The following ADARB1 variants were observed in gnomAD, a reference collection of about 807,000 sequenced individuals.
ADARB1 encodes adenosine deaminase RNA specific B1, also known as double-stranded RNA-specific editase 1.
In ADARB1, 10 loss-of-function variants were observed where a neutral mutation model predicts 52.4. That is an observed-to-expected ratio of 0.19 (90% confidence interval 0.12 to 0.32). The LOEUF is 0.32. Among genes scored for constraint, ADARB1 ranks in the 10% least tolerant of loss-of-function variants. The probability of loss-of-function intolerance (pLI) is 1.00; values close to 1 mark genes in which losing one functional copy is unlikely to be tolerated. For missense variants in ADARB1, 643 were observed against 922.3 expected (o/e 0.70, Z 3.92); for synonymous variants, 349 against 371.1 (o/e 0.94, Z 0.68).
intron 1 of ADARB1, among the ~76,000 whole-genome samples, chr21:45,099,896 T>C (rs1179805634): frequency 6.6e-6 from 1 of 152,030 alleles, no homozygotes; most frequent in Non-Finnish European, 1.5e-5. Context: ...AACTTGGTGG[T>C]GGTGTTGGGG....
chr21:45,160,265 G>A (rs552434417), intron 2 of ADARB1, among the ~76,000 whole-genome samples: 38 of 152,330 alleles, frequency 2.5e-4, no homozygotes, highest in Admixed American at 5.9e-4. Flanking sequence ...ACAGATCCTC[G>A]TAGAGCTGGA....
Position 45,208,103 on chromosome 21 carries a change from C to T in ADARB1, c.1747+3367C>T, listed in dbSNP as rs1241771847. Among the ~76,000 whole-genome samples, 1 of 152,152 alleles carries T rather than the reference C, an allele frequency of 6.6e-6. No homozygotes were observed. Among genetic ancestry groups the T allele is most frequent in the African/African-American group, 2.4e-5 (1 of 41,408 alleles). On this transcript the variant is annotated intron_variant, in intron 9 of 10. Coordinates refer to ENST00000348831, the MANE Select transcript of ADARB1 (RefSeq NM_001112.4). The surrounding 1 kb of genome is among the most constrained non-coding windows in gnomAD (Gnocchi z 5.6). ...ACTTTCTCTCAAATGAGTTTCACAT[C>T]CAGCACTTGCAAGTTTCAGGACAAT...
intron 1 of ADARB1, among the ~76,000 whole-genome samples, chr21:45,094,929 C>T (rs2086696865): frequency 6.6e-6 from 1 of 152,130 alleles, no homozygotes; most frequent in African/African-American, 2.4e-5. Flanking sequence ...TCTCCTTGCC[C>T]AAAGCTGGCA....
intron 8 of ADARB1, among the ~76,000 whole-genome samples, chr21:45,188,349 C>G (rs2092175487): frequency 1.3e-5 from 2 of 152,166 alleles, no homozygotes; most frequent in Admixed American, 6.5e-5. Flanking sequence ...TCAGGTGATT[C>G]ACCTGCCTCG....
In ADARB1 at chr21:45,169,179, C is replaced by T. The variant is rs190038046; in HGVS notation, c.-47-2431C>T. Among the ~76,000 whole-genome samples, 326 of 152,254 alleles carry T rather than the reference C, an allele frequency of 2.1e-3. 2 individuals carry two copies. The highest frequency in any genetic ancestry group is 7.0e-3 in the African/African-American group (291 of 41,550). On this transcript the variant is annotated intron_variant, in intron 2 of 10. Transcript: ENST00000348831. Reference sequence around the variant, plus strand: ...AGTCTCTCATGACTCTGCACTGTGGCGTGGGAAGGGAAGGGGTTGTTAGAG... The same window carrying T: ...AGTCTCTCATGACTCTGCACTGTGGTGTGGGAAGGGAAGGGGTTGTTAGAG...
intron 1 of ADARB1, among the ~76,000 whole-genome samples, chr21:45,099,884 G>C (rs1046720940): frequency 6.6e-6 from 1 of 152,140 alleles, no homozygotes; most frequent in African/African-American, 2.4e-5. Context: ...TGGTGTGTGT[G>C]CAACTTGGTG....
rs115919387 is a variant in ADARB1 at position 45,192,386 on chromosome 21, G to A, written c.1565+7295G>A. Among the ~76,000 whole-genome samples the A allele has an allele frequency of 8.8e-3, 1,346 of 152,266 alleles. 19 individuals are homozygous for A. Among genetic ancestry groups the A allele is most frequent in the African/African-American group, 0.029 (1,204 of 41,538 alleles). On this transcript the variant is annotated intron_variant, in intron 8 of 10. Transcript: ENST00000348831. Reference sequence around the variant, plus strand: ...AAATCCTCTCCAACAATGTGACCTTGCCACTGTACCATTAAGAGGTGACGT... The same window carrying A: ...AAATCCTCTCCAACAATGTGACCTTACCACTGTACCATTAAGAGGTGACGT...
intron 1 of ADARB1, among the ~76,000 whole-genome samples, chr21:45,093,907 G>A (rs1205398255): frequency 6.6e-6 from 1 of 152,212 alleles, no homozygotes; most frequent in African/African-American, 2.4e-5. Context: ...TCAGAGAAGT[G>A]TCTGAAAAAA....
chr21:45,105,665 G>A (rs974391156), intron 1 of ADARB1, among the ~76,000 whole-genome samples: 4 of 152,246 alleles, frequency 2.6e-5, no homozygotes, highest in Middle Eastern at 3.2e-3. Context: ...TTGCTTTTAT[G>A]TTCTTTACTA....
chr21:45,179,962 C>T (rs1034662961), intron 4 of ADARB1, among the ~76,000 whole-genome samples: 13 of 152,018 alleles, frequency 8.6e-5, no homozygotes, highest in African/African-American at 2.4e-4. Flanking sequence ...ACTAGGTGGG[C>T]GTAGGCGTGG....
At chr21:45,214,362 G>T (rs984977880) in intron 9 of ADARB1, among the ~76,000 whole-genome samples, 1 of 152,002 alleles carries the variant, frequency 6.6e-6, no homozygotes, top group Non-Finnish European at 1.5e-5. Context: ...AGTGTCTTAC[G>T]CAAACCACAT....
intron 2 of ADARB1, among the ~76,000 whole-genome samples, chr21:45,134,422 C>T (rs2089235742): frequency 6.6e-6 from 1 of 151,556 alleles, no homozygotes; most frequent in Non-Finnish European, 1.5e-5. Context: ...GGTGTGTGCG[C>T]CCGACGGGTG....
intron 1 of ADARB1, among the ~76,000 whole-genome samples, chr21:45,119,596 T>G (rs73230679): frequency 0.022 from 3,307 of 152,366 alleles, 51 homozygotes; most frequent in Middle Eastern, 0.054. Flanking sequence ...TAAAAATAGC[T>G]GGGTAACTTT....
intron 2 of ADARB1, among the ~76,000 whole-genome samples, chr21:45,163,915 G>A (rs548676473): frequency 6.6e-5 from 10 of 152,280 alleles, no homozygotes; most frequent in East Asian, 1.9e-4. Context: ...TCTGTCCCAC[G>A]TTGCCATAGC....
rs545101248 is a variant in ADARB1 at position 45,075,959 on chromosome 21, G to A, written c.-220+1166G>A. On this transcript the variant is annotated intron_variant, in intron 1 of 10. Transcript: ENST00000348831. ...TGATAGAACCGTAGTTTTTTTAATT[G>A]AGAATACAAATATGTATTTAATCCT... Among the ~76,000 whole-genome samples, 8 of 152,120 alleles carry A rather than the reference G, an allele frequency of 5.3e-5. No individual in the cohort carries two copies. The South Asian group carries it at 1.5e-3, about 28-fold the overall frequency.
At chr21:45,153,903 T>G (rs76628070) in intron 2 of ADARB1, among the ~76,000 whole-genome samples, 10,213 of 152,208 alleles carry the variant, frequency 0.067, 422 homozygotes, top group East Asian at 0.15. Context: ...CTTTGGAAAT[T>G]GAGATGTCAC....
intron 2 of ADARB1, among the ~76,000 whole-genome samples, chr21:45,144,070 T>C (rs1369089607): frequency 6.6e-6 from 1 of 152,216 alleles, no homozygotes; most frequent in African/African-American, 2.4e-5. Context: ...AGTAAATAGT[T>C]AGATGAATGA....
intron 2 of ADARB1, among the ~76,000 whole-genome samples, chr21:45,158,692 C>T (rs147310361): frequency 1.1e-4 from 16 of 152,296 alleles, no homozygotes; most frequent in South Asian, 2.1e-4. Flanking sequence ...CCCCACACCC[C>T]GCGGGTGTCC....
At chr21:45,203,407 T>C (rs1366155847) in intron 8 of ADARB1, among the ~76,000 whole-genome samples, 2 of 152,222 alleles carry the variant, frequency 1.3e-5, no homozygotes, top group African/African-American at 4.8e-5. Context: ...CCTCAATTTA[T>C]AGTTCTTCAT....
Sources: allele counts gnomAD v4.1 joint callset (sites outside exome capture counted in the v4.1 genomes callset), GRCh38; gene constraint gnomAD v4.1.1; non-coding constraint Gnocchi (gnomAD v3.1); transcripts MANE v1.5; gene names NCBI Gene and HGNC (gene_info 2026-07-23, HGNC 2026-07-21).